Variants in ANKRD44 observed in about 807,000 individuals in gnomAD.
ANKRD44 encodes the protein ankyrin repeat domain 44, also known as serine/threonine-protein phosphatase 6 regulatory ankyrin repeat subunit B.
A neutral mutation model predicts 116.0 loss-of-function variants in ANKRD44; 35 were observed. The ratio of observed to expected loss-of-function variants is 0.30; its 90% CI spans 0.23 to 0.40. The LOEUF (loss-of-function observed/expected upper bound fraction) is 0.40. Among genes scored for constraint, ANKRD44 ranks in the 10% least tolerant of loss-of-function variants. ANKRD44 has a pLI of 1.00. For missense variants in ANKRD44, 1,014 were observed against 1,242.6 expected (o/e 0.82, Z 2.77); for synonymous variants, 435 against 461.8 (o/e 0.94, Z 0.74).
chr2:197,126,837 C>T (rs566741033), intron 4 of ANKRD44, among the ~76,000 whole-genome samples: 4 of 62,666 alleles, frequency 6.4e-5, no homozygotes, highest in Non-Finnish European at 1.2e-4. Context: ...TTTGCACCAA[C>T]CGGGAGTGGT....
At chr2:197,170,254 G>T (rs1002110324) in intron 2 of ANKRD44, among the ~76,000 whole-genome samples, 1 of 148,834 alleles carries the variant, frequency 6.7e-6, no homozygotes, top group Non-Finnish European at 1.5e-5. Flanking sequence ...GAGAAACACG[G>T]TGTTCAAGAA....
chr2:197,245,437 G>A (rs1437029543), intron 1 of ANKRD44, among the ~76,000 whole-genome samples: 2 of 152,082 alleles, frequency 1.3e-5, no homozygotes, highest in African/African-American at 4.8e-5. Flanking sequence ...CCCTGGATTT[G>A]GATATCTACA....
rs753266067 is a variant in ANKRD44, at chr2:196,995,461, C to T, written c.2749G>A (p.Gly917Ser). ...NTPLHLACSK[G>S]HEKCALLILD... ...ATTAACAAGGCACATTTTTCATGAC[C>T]CTAATAAAGAAAAAGAATGATAAGA... The change falls in exon 26 of 28, where the codon GGT becomes AGT. Residue 917 changes from glycine (G) to serine (S), a missense_variant and splice_region_variant. Physicochemically the swap from Gly to Ser is moderately conservative, Grantham distance 56. Coordinates refer to ENST00000282272, the MANE Select transcript of ANKRD44 (RefSeq NM_001195144.2). 8.2e-6 allele frequency: 13 copies of T among 1,593,582 alleles called. No homozygotes were observed. The Admixed American group carries it at 2.1e-4, about 25-fold the overall frequency.
chr2:197,207,505 C>G (rs2081234498), intron 1 of ANKRD44, among the ~76,000 whole-genome samples: 1 of 152,138 alleles, frequency 6.6e-6, no homozygotes, highest in African/African-American at 2.4e-5. Flanking sequence ...ATCTCAAAGG[C>G]CAGCAGAGAA....
intron 2 of ANKRD44, among the ~76,000 whole-genome samples, chr2:197,159,413 T>A (rs572289568): frequency 2.5e-4 from 38 of 152,348 alleles, no homozygotes; most frequent in African/African-American, 8.9e-4. Context: ...TTCTACTTTG[T>A]TTGACTGTGT....
In ANKRD44 at chr2:197,131,592, C is replaced by T. The variant is rs190095899; in HGVS notation, c.261+5000G>A. Among the ~76,000 whole-genome samples, 181 of 152,252 alleles carry T rather than the reference C, an allele frequency of 1.2e-3. 1 individual carries two copies. The highest frequency in any genetic ancestry group is 4.2e-3 in the African/African-American group (176 of 41,518). On this transcript the variant is annotated intron_variant, in intron 4 of 27. Transcript: ENST00000282272. ...TAAGATACAACCATTTTTAACTTTT[C>T]TAACCAAAAGACAGTCTCTAGAATG... is the stretch of plus-strand genomic sequence containing the variant.
chr2:197,062,105 G>C (rs1464363851), intron 16 of ANKRD44, among the ~76,000 whole-genome samples: 1 of 152,166 alleles, frequency 6.6e-6, no homozygotes, highest in Non-Finnish European at 1.5e-5. Flanking sequence ...TTCTGTGTCA[G>C]CCATGGTTCC....
At chr2:197,036,337 C>T (rs2076806860) in intron 16 of ANKRD44, among the ~76,000 whole-genome samples, 1 of 152,160 alleles carries the variant, frequency 6.6e-6, no homozygotes, top group Non-Finnish European at 1.5e-5. Flanking sequence ...CAGCTCACTG[C>T]AACCTCCACC....
In ANKRD44 at chr2:197,274,004, T is replaced by TAGATAG. The variant is rs1559208607; in HGVS notation, c.27+36573_27+36574insCTATCT. Among the ~76,000 whole-genome samples, 39 of 76,176 alleles carry TAGATAG rather than the reference T, an allele frequency of 5.1e-4. 6 individuals carry two copies. Among genetic ancestry groups the TAGATAG allele is most frequent in the Non-Finnish European group, 8.4e-4 (35 of 41,714 alleles). 50.0% of individuals were successfully genotyped at this position (76,176 alleles called of 152,430 possible). On this transcript the variant is annotated intron_variant, in intron 1 of 27. Coordinates refer to ENST00000282272, the MANE Select transcript of ANKRD44 (RefSeq NM_001195144.2). ...AAATATATATATATATATATATATA[T>TAGATAG]ATATATATATATATATATATATATG...
At chr2:197,131,564 A>G (rs1389812907) in intron 4 of ANKRD44, among the ~76,000 whole-genome samples, 1 of 152,208 alleles carries the variant, frequency 6.6e-6, no homozygotes, top group Non-Finnish European at 1.5e-5. Flanking sequence ...TACACTCTAA[A>G]GATAAGATAC....
intron 1 of ANKRD44, among the ~76,000 whole-genome samples, chr2:197,293,231 A>G (rs959231231): frequency 6.6e-5 from 10 of 152,180 alleles, no homozygotes; most frequent in African/African-American, 2.4e-4. Flanking sequence ...AGCAGCAGAG[A>G]CTGGCACTAC....
intron 1 of ANKRD44, among the ~76,000 whole-genome samples, chr2:197,244,237 A>AT (rs945200365): frequency 2.4e-4 from 37 of 152,342 alleles, no homozygotes; most frequent in African/African-American, 8.7e-4. Context: ...AGGTACAGTG[A>AT]TTTTTTAAAT....
At chr2:197,237,111 G>T (rs900174743) in intron 1 of ANKRD44, among the ~76,000 whole-genome samples, 3 of 152,170 alleles carry the variant, frequency 2.0e-5, no homozygotes, top group Non-Finnish European at 2.9e-5. Flanking sequence ...GTCCTTTGCC[G>T]TCAACTGTCG....
At chr2:197,146,693 G>A (rs191615366) in intron 3 of ANKRD44, among the ~76,000 whole-genome samples, 38 of 147,528 alleles carry the variant, frequency 2.6e-4, no homozygotes, top group Non-Finnish European at 4.0e-4. Flanking sequence ...ATAGGTGTAT[G>A]TTCATGTAGA....
At chr2:197,287,558 C>T (rs2083440320) in intron 1 of ANKRD44, among the ~76,000 whole-genome samples, 1 of 152,174 alleles carries the variant, frequency 6.6e-6, no homozygotes, top group African/African-American at 2.4e-5. Context: ...GAACACTACA[C>T]AGAAAAGCCA....
chr2:197,300,262 C>T (rs59697347), intron 1 of ANKRD44, among the ~76,000 whole-genome samples: 1,791 of 152,260 alleles, frequency 0.012, 32 homozygotes, highest in African/African-American at 0.041. Flanking sequence ...TATTTCCTTA[C>T]CTCTTCTTCC....
At chr2:197,231,453 G>A (rs2081860471) in intron 1 of ANKRD44, among the ~76,000 whole-genome samples, 1 of 151,918 alleles carries the variant, frequency 6.6e-6, no homozygotes, top group Admixed American at 6.6e-5. Flanking sequence ...TTGAGCTAAG[G>A]CTGAATTATC....
At chr2:196,975,767 G>A (rs1349937867) in intron 21 of ANKRD44, among the ~76,000 whole-genome samples, 3 of 144,850 alleles carry the variant, frequency 2.1e-5, no homozygotes, top group African/African-American at 7.7e-5. Context: ...CAGCCTGGGT[G>A]ACAGAGCTAG....
chr2:196,982,441 C>T (rs946391810), downstream of ANKRD44, among the ~76,000 whole-genome samples: 3 of 152,046 alleles, frequency 2.0e-5, no homozygotes, highest in African/African-American at 4.8e-5. Flanking sequence ...TTTTGGAAGA[C>T]GTTTGTGACC....
Sources: gnomAD v4.1 joint callset for allele counts (sites outside exome capture counted in the v4.1 genomes callset) on GRCh38, gnomAD v4.1.1 for gene constraint, MANE v1.5 for transcripts, NCBI Gene and HGNC (gene_info 2026-07-23, HGNC 2026-07-21) for gene names.